Variants in ADAM22 observed in about 807,000 individuals in gnomAD.
ADAM22 encodes ADAM metallopeptidase domain 22, also known as disintegrin and metalloproteinase domain-containing protein 22.
ADAM22 carries 65 observed loss-of-function variants against 144.6 expected under a neutral mutation model. That is an observed-to-expected ratio of 0.45 (90% CI 0.37 to 0.55). The LOEUF (loss-of-function observed/expected upper bound fraction) is 0.55, where lower values mean the gene tolerates loss of function less well. Among genes scored for constraint, ADAM22 ranks in the 20% least tolerant of loss-of-function variants. The pLI is 0.00. For missense variants in ADAM22, 974 were observed against 1,184.9 expected (o/e 0.82, Z 2.61); for synonymous variants, 391 against 412.6 (o/e 0.95, Z 0.63).
At chr7:88,134,552 G>A (rs895120584) in intron 13 of ADAM22, 133 bp downstream of exon 13, 26 of 596,640 alleles carry the variant, frequency 4.4e-5, no homozygotes, top group Non-Finnish European at 6.3e-5. Flanking sequence ...AACATCCAGC[G>A]CACAAACTGT....
intron 26 of ADAM22, among the ~76,000 whole-genome samples, chr7:88,172,297 T>G (rs1224463837): frequency 6.6e-6 from 1 of 151,978 alleles, no homozygotes; most frequent in Non-Finnish European, 1.5e-5. Context: ...AATATTGGAA[T>G]GCACTCTTCA....
rs1371984529 is a variant in ADAM22, at chr7:88,193,032, G to C, written c.2751-84G>C. 2.0e-6 allele frequency: 3 copies of C among 1,536,576 alleles called. No individual in the cohort carries two copies. In the Admixed American group the frequency reaches 5.3e-5, roughly 27 times the overall value. On this transcript the variant is annotated intron_variant, in intron 30 of 31. Coordinates refer to ENST00000413139, the MANE Select transcript of ADAM22 (RefSeq NM_001324418.2). The stretch of plus-strand genomic sequence containing the variant: ...TGGTATATGAAAGTTAGAAGTCAGA[G>C]GGTTTGTTCTGAACACACTTTTCAG...
chr7:88,136,890 G>C (rs1184490417), intron 14 of ADAM22, among the ~76,000 whole-genome samples: 1 of 151,934 alleles, frequency 6.6e-6, no homozygotes, highest in Non-Finnish European at 1.5e-5. Flanking sequence ...GGACAATAAT[G>C]ATAAGCTTGG....
At chr7:88,115,866 A>G (rs1293673430) in intron 6 of ADAM22, among the ~76,000 whole-genome samples, 1 of 152,230 alleles carries the variant, frequency 6.6e-6, no homozygotes, top group Non-Finnish European at 1.5e-5. Flanking sequence ...TTTAGCTGAA[A>G]CATTCATTTC....
intron 22 of ADAM22, 47 bp from the exon 23 acceptor site, chr7:88,162,965 T>C: frequency 6.3e-7 from 1 of 1,591,152 alleles, no homozygotes; most frequent in South Asian, 1.1e-5. Context: ...ATTTTCAAAA[T>C]GAAGGTGAAT....
In ADAM22 at chr7:88,154,013, A is replaced by G. The variant is rs139061520; in HGVS notation, c.1787+687A>G. On this transcript the variant is annotated intron_variant, in intron 21 of 31. Transcript: ENST00000413139. ...ATGACTAATTAATAGTGAGAACAGT[A>G]CCCAGCACTGATTGAGTGAACACTG... Among the ~76,000 whole-genome samples, 437 of 152,328 alleles carry G rather than the reference A, an allele frequency of 2.9e-3. 1 individual carries two copies. The highest frequency in any genetic ancestry group is 0.01 in the African/African-American group (423 of 41,586).
intron 5 of ADAM22, among the ~76,000 whole-genome samples, chr7:88,112,061 T>C (rs1462614904): frequency 6.6e-6 from 1 of 152,222 alleles, no homozygotes; most frequent in African/African-American, 2.4e-5. Context: ...CATATGACTT[T>C]CTGGATGGAT....
chr7:88,040,734 G>A (rs1410632640), intron 3 of ADAM22, among the ~76,000 whole-genome samples: 1 of 151,924 alleles, frequency 6.6e-6, no homozygotes, highest in Non-Finnish European at 1.5e-5. Flanking sequence ...TCTGCTTAGG[G>A]TGAAGTAAAG....
At chr7:88,091,037 G>T (rs563185651) in intron 4 of ADAM22, among the ~76,000 whole-genome samples, 51 of 152,234 alleles carry the variant, frequency 3.4e-4, no homozygotes, top group African/African-American at 1.1e-3. Flanking sequence ...TAGTTTTGAT[G>T]GTTAGTATAT....
chr7:87,952,596 A>C (rs1394183485), intron 2 of ADAM22, among the ~76,000 whole-genome samples: 12 of 151,870 alleles, frequency 7.9e-5, no homozygotes, highest in South Asian at 2.1e-4. Context: ...TATTGGTCTA[A>C]AATTCTCTTT....
chr7:88,112,601 C>G (rs930779306), intron 5 of ADAM22, among the ~76,000 whole-genome samples: 12 of 152,312 alleles, frequency 7.9e-5, no homozygotes, highest in Admixed American at 4.6e-4. Context: ...CAGCAGCTAT[C>G]AGAATCTGTC....
intron 3 of ADAM22, among the ~76,000 whole-genome samples, chr7:88,007,235 A>G (rs1794142255): frequency 6.6e-6 from 1 of 152,174 alleles, no homozygotes; most frequent in African/African-American, 2.4e-5. Flanking sequence ...ACCACTGCTC[A>G]ATGAAATAAA....
chr7:87,982,521 A>G (rs1309687874), intron 3 of ADAM22, among the ~76,000 whole-genome samples: 2 of 151,192 alleles, frequency 1.3e-5, no homozygotes, highest in Admixed American at 6.6e-5. Flanking sequence ...AGTAGAAGGA[A>G]CCAAAATATC....
At chr7:88,005,818 G>C (rs958130775) in intron 3 of ADAM22, among the ~76,000 whole-genome samples, 5 of 152,044 alleles carry the variant, frequency 3.3e-5, no homozygotes, top group African/African-American at 1.2e-4. Flanking sequence ...TGATTACAAA[G>C]TTAAGTATGG....
chr7:87,978,610 C>T (rs1852485257), intron 3 of ADAM22, among the ~76,000 whole-genome samples, 198 bp downstream of exon 3: 1 of 152,072 alleles, frequency 6.6e-6, no homozygotes, highest in Non-Finnish European at 1.5e-5. Context: ...AAATTGAGCA[C>T]CTATAATAGA....
intron 29 of ADAM22, chr7:88,182,257 C>T: frequency 2.2e-6 from 1 of 447,498 alleles, no homozygotes; most frequent in Non-Finnish European, 3.9e-6. Flanking sequence ...CACCTGCAGG[C>T]TTTTTCCTCC....
chr7:87,965,579 G>T (rs1848874419), intron 2 of ADAM22, among the ~76,000 whole-genome samples: 1 of 152,118 alleles, frequency 6.6e-6, no homozygotes, highest in Non-Finnish European at 1.5e-5. Flanking sequence ...TATTTATTAT[G>T]GGATTTTGTA....
In ADAM22 at chr7:88,145,197, G is replaced by A. The variant is rs1563319371; in HGVS notation, c.1392+1G>A. On this transcript the variant is annotated splice_donor_variant, in intron 16 of 31. Transcript: ENST00000413139. LOFTEE classifies it high-confidence loss of function. ...GGAGTGTGATTGTGGAACCCCGGCC[G>A]TAAGTCTCTGGTTGTTTTGATGATA... The A allele has an allele frequency of 6.2e-7, 1 of 1,613,598 alleles. No homozygotes were observed. Among genetic ancestry groups the A allele is most frequent in the South Asian group, 1.1e-5 (1 of 91,014 alleles).
chr7:88,011,111 A>G (rs1795245351), intron 3 of ADAM22, among the ~76,000 whole-genome samples: 1 of 152,230 alleles, frequency 6.6e-6, no homozygotes, highest in African/African-American at 2.4e-5. Flanking sequence ...TTGGAATATA[A>G]TTAGGAAAGC....
Sources: gnomAD v4.1 joint callset for allele counts (sites outside exome capture counted in the v4.1 genomes callset) on GRCh38, gnomAD v4.1.1 for gene constraint, MANE v1.5 for transcripts, NCBI Gene and HGNC (gene_info 2026-07-23, HGNC 2026-07-21) for gene names.